Variants in HMCN1 observed in about 807,000 individuals in gnomAD.
HMCN1 encodes the protein hemicentin 1, also known as hemicentin-1.
HMCN1 carries 321 observed loss-of-function variants against 625.9 expected under a neutral mutation model. The observed-to-expected ratio is 0.51, with a 90% CI of 0.47 to 0.56. The LOEUF (loss-of-function observed/expected upper bound fraction) is 0.56, where lower values mean the gene tolerates loss of function less well. HMCN1 is among the 20% of genes least tolerant of loss of function. The probability of loss-of-function intolerance (pLI) is 0.00; values close to 1 mark genes in which losing one functional copy is unlikely to be tolerated. For synonymous variants in HMCN1, 2,425 were observed against 2,417.6 expected (o/e 1.00, Z -0.09); for missense variants, 6,588 against 6,887.3 (o/e 0.96, Z 1.54).
At chr1:185,800,949 C>T (rs1658753277) in intron 1 of HMCN1, among the ~76,000 whole-genome samples, 1 of 152,120 alleles carries the variant, frequency 6.6e-6, no homozygotes, top group Non-Finnish European at 1.5e-5. Flanking sequence ...CTTCTTGGGT[C>T]ACTACTCTAC....
chr1:185,736,134 G>A (rs897251176), intron 1 of HMCN1, among the ~76,000 whole-genome samples: 11 of 152,006 alleles, frequency 7.2e-5, no homozygotes, highest in Non-Finnish European at 4.4e-5. Context: ...AAATATGGCA[G>A]GTTTTAACTA....
rs769181750 is a variant in HMCN1 at position 186,017,061 on chromosome 1, C to T, written c.5290C>T (p.Pro1764Ser). ...TTGTCATGTGACAGGCTCTCCCCCA[C>T]CAACTATCATGTAAGGGTTTTGGTA... ...LDCHVTGSPP[P>S]TIMWLKDGQL... Residue 1764 changes from proline to serine, a missense_variant, in exon 33 of 107, where the codon CCA becomes TCA. Around this residue, in one of 3 missense-constraint regions of HMCN1, gnomAD observed 4,628 missense variants for 4,853.1 expected, o/e 0.95. Coordinates refer to ENST00000271588, the MANE Select transcript of HMCN1 (RefSeq NM_031935.3). 6 of 1,581,790 alleles carry T rather than the reference C, an allele frequency of 3.8e-6. No individual in the cohort carries two copies. The highest frequency in any genetic ancestry group is 1.1e-5 in the South Asian group (1 of 90,498).
At chr1:185,805,060 T>C (rs1174051649) in intron 1 of HMCN1, among the ~76,000 whole-genome samples, 2 of 152,182 alleles carry the variant, frequency 1.3e-5, no homozygotes, top group East Asian at 3.8e-4. Context: ...TGAACCATTT[T>C]AATTAAGTTT....
At chr1:186,113,401 C>T (rs976001610) in intron 72 of HMCN1, among the ~76,000 whole-genome samples, 4 of 152,120 alleles carry the variant, frequency 2.6e-5, no homozygotes, top group Non-Finnish European at 4.4e-5. Flanking sequence ...TAGACTTTTC[C>T]TCAAAACAAT....
At chr1:186,074,234 A>ACAT (rs35333065) in intron 52 of HMCN1, among the ~76,000 whole-genome samples, 94,693 of 151,524 alleles carry the variant, frequency 0.62, 31,438 homozygotes, top group African/African-American at 0.87. Flanking sequence ...TTTCAATAAA[A>ACAT]CATAATATAA....
intron 4 of HMCN1, among the ~76,000 whole-genome samples, chr1:185,884,599 T>G (rs563041796): frequency 2.6e-5 from 4 of 152,158 alleles, no homozygotes; most frequent in African/African-American, 7.2e-5. Flanking sequence ...CTTTCTATAT[T>G]TTGCCTAATG....
chr1:185,838,446 C>T (rs1004469613), intron 1 of HMCN1, among the ~76,000 whole-genome samples: 5 of 152,110 alleles, frequency 3.3e-5, no homozygotes, highest in Non-Finnish European at 5.9e-5. Flanking sequence ...GGGCATTATA[C>T]CCCCCAGTCT....
chr1:185,894,950 T>G (rs1665401099), intron 4 of HMCN1, among the ~76,000 whole-genome samples: 1 of 152,186 alleles, frequency 6.6e-6, no homozygotes, highest in South Asian at 2.1e-4. Flanking sequence ...CTTTTAGCTT[T>G]GTGGAAATCT....
chr1:186,184,719 T>C (rs1653173165), intron 105 of HMCN1, among the ~76,000 whole-genome samples: 1 of 152,212 alleles, frequency 6.6e-6, no homozygotes, highest in Non-Finnish European at 1.5e-5. Context: ...CTAAATTTTT[T>C]AGTATTCAGA....
At chr1:185,995,706 GAC>G (rs1339207965) in intron 24 of HMCN1, among the ~76,000 whole-genome samples, 1 of 152,032 alleles carries the variant, frequency 6.6e-6, no homozygotes, top group Non-Finnish European at 1.5e-5. Flanking sequence ...ATTAAAATAA[GAC>G]AATGGTCCTG....
chr1:186,187,036 A>ACG (rs1491459378), intron 105 of HMCN1, among the ~76,000 whole-genome samples: 1 of 150,180 alleles, frequency 6.7e-6, no homozygotes. Flanking sequence ...ACACACACAC[A>ACG]CGCATGCAAA....
chr1:185,785,251 A>G (rs1441161200), intron 1 of HMCN1, among the ~76,000 whole-genome samples: 1 of 152,204 alleles, frequency 6.6e-6, no homozygotes, highest in Non-Finnish European at 1.5e-5. Flanking sequence ...TGATGACATT[A>G]GTGGAAAATT....
chr1:185,801,741 C>T (rs1658809203), intron 1 of HMCN1, among the ~76,000 whole-genome samples: 1 of 151,960 alleles, frequency 6.6e-6, no homozygotes, highest in Non-Finnish European at 1.5e-5. Flanking sequence ...GAGGAAAGGT[C>T]CTATGGAATA....
chr1:186,171,088 G>T (rs1236988670), intron 100 of HMCN1, among the ~76,000 whole-genome samples: 1 of 152,186 alleles, frequency 6.6e-6, no homozygotes, highest in Admixed American at 6.5e-5. Context: ...ACTTAAAGTA[G>T]AAGAGTGTTT....
intron 68 of HMCN1, among the ~76,000 whole-genome samples, chr1:186,098,698 A>G (rs1660254036): frequency 6.6e-6 from 1 of 152,188 alleles, no homozygotes; most frequent in Admixed American, 6.5e-5. Context: ...TATCCAAAGG[A>G]AATGAAATCA....
chr1:185,922,539 T>C, intron 7 of HMCN1, 40 bp downstream of exon 7: 6 of 1,536,452 alleles, frequency 3.9e-6, no homozygotes, highest in Non-Finnish European at 5.3e-6. Flanking sequence ...ATAATAGATA[T>C]CCAAATGAAA....
intron 1 of HMCN1, among the ~76,000 whole-genome samples, chr1:185,840,282 T>A (rs1434063484): frequency 1.3e-5 from 2 of 152,224 alleles, no homozygotes; most frequent in Non-Finnish European, 2.9e-5. Flanking sequence ...AATTTATTAA[T>A]TTTTTAATTC....
intron 1 of HMCN1, among the ~76,000 whole-genome samples, chr1:185,755,942 G>A (rs936084144): frequency 3.9e-5 from 6 of 152,074 alleles, no homozygotes; most frequent in African/African-American, 1.4e-4. Context: ...GAGTGCAGTG[G>A]CTGTTTACAG....
intron 5 of HMCN1, among the ~76,000 whole-genome samples, chr1:185,910,430 G>T (rs532693388): frequency 6.6e-6 from 1 of 152,240 alleles, no homozygotes; most frequent in Admixed American, 6.5e-5. Context: ...GGAAAGACTT[G>T]TGTTTTCTAC....
Sources: gnomAD v4.1 joint callset for allele counts (sites outside exome capture counted in the v4.1 genomes callset) on GRCh38, gnomAD v4.1.1 for gene constraint, gnomAD v4.1.1 regional missense constraint, MANE v1.5 for transcripts, NCBI Gene and HGNC (gene_info 2026-07-23, HGNC 2026-07-21) for gene names.